EP400: variants seen among roughly 807,000 people sequenced by gnomAD.
The protein encoded by EP400 is E1A-binding protein p400.
EP400 carries 105 observed loss-of-function variants against 354.1 expected under a neutral mutation model. The observed-to-expected ratio is 0.30, with a 90% CI of 0.25 to 0.35. EP400 has a LOEUF of 0.35. Among genes scored for constraint, EP400 ranks in the 10% least tolerant of loss-of-function variants. The pLI is 1.00. For synonymous variants in EP400, 1,646 were observed against 1,716.9 expected, an observed-to-expected ratio of 0.96 and a Z score of 1.02; for missense variants, 3,280 against 4,121.0, an observed-to-expected ratio of 0.80 and a Z score of 5.59.
intron 2 of EP400, among the ~76,000 whole-genome samples, chr12:131,974,476 A>G (rs1372667854): frequency 6.6e-6 from 1 of 152,202 alleles, no homozygotes; most frequent in African/African-American, 2.4e-5. Context: ...GTAGCTGCCA[A>G]CTACTATTGG....
intron 12 of EP400, among the ~76,000 whole-genome samples, chr12:131,996,993 T>C (rs1893236919): frequency 6.6e-6 from 1 of 152,176 alleles, no homozygotes. Context: ...TTTAATGTTG[T>C]CAATAAGTTC....
intron 12 of EP400, among the ~76,000 whole-genome samples, chr12:131,995,886 C>A (rs1203560860): frequency 6.6e-6 from 1 of 151,442 alleles, no homozygotes; most frequent in Non-Finnish European, 1.5e-5. Flanking sequence ...CCCACCACAG[C>A]TTGACTGAAT....
intron 34 of EP400, among the ~76,000 whole-genome samples, 188 bp downstream of exon 34, chr12:132,043,916 G>A (rs765494887): frequency 6.6e-5 from 10 of 152,110 alleles, no homozygotes; most frequent in East Asian, 3.8e-4. Flanking sequence ...TCACCCCCAC[G>A]TAGGGACCAT....
intron 39 of EP400, among the ~76,000 whole-genome samples, chr12:132,049,886 C>G (rs1044695419): frequency 6.6e-6 from 1 of 152,204 alleles, no homozygotes; most frequent in African/African-American, 2.4e-5. Flanking sequence ...CTTTGAGACA[C>G]CACTGGGCAT....
At chr12:131,954,224 T>G (rs1455098054) in intron 1 of EP400, among the ~76,000 whole-genome samples, 2 of 150,238 alleles carry the variant, frequency 1.3e-5, no homozygotes, top group African/African-American at 2.5e-5. Context: ...TGTCTTAAAA[T>G]TAAAAAAAAA....
intron 43 of EP400, 103 bp downstream of exon 43, chr12:132,053,700 T>C: frequency 7.7e-7 from 1 of 1,298,414 alleles, no homozygotes; most frequent in Non-Finnish European, 1.0e-6. Context: ...TTGCCAGTTC[T>C]AGCACATTTC....
rs1891972043 is a variant in EP400, at chr12:131,963,521, T to C, written c.1335+1567T>C. The stretch of plus-strand genomic sequence containing the variant: ...TATGTTGCCTTTTTTTCTCAAAATA[T>C]TTCCTCTCAGGTAAAGGTTGTGACA... On this transcript the variant is annotated intron_variant, in intron 2 of 52. Transcript: ENST00000389561. 3 of 1,584,294 alleles carry C rather than the reference T, an allele frequency of 1.9e-6. No homozygotes were observed. In the African/African-American group the frequency reaches 4.0e-5, roughly 21 times the overall value.
In EP400 at chr12:132,062,450, G is replaced by T; in HGVS notation, c.8099-16G>T. 1 of 1,612,974 alleles carries T rather than the reference G, an allele frequency of 6.2e-7. No individual in the cohort carries two copies. The highest frequency in any genetic ancestry group is 8.5e-7 in the Non-Finnish European group (1 of 1,179,912). ...GAGTATCCCTGTCCAGACCTAATGA[G>T]CAAACCTCTTCATAGCCACAGGAGT... On this transcript the variant is annotated splice_polypyrimidine_tract_variant and intron_variant, in intron 46 of 52. Transcript: ENST00000389561.
chr12:132,006,454 C>T (rs1166870611), intron 14 of EP400, 152 bp downstream of exon 14: 5 of 1,063,622 alleles, frequency 4.7e-6, no homozygotes, highest in Non-Finnish European at 6.6e-6. Context: ...CCTGTAGTCC[C>T]AGCTACTCAG....
At chr12:132,042,536 A>G (rs1283755204) in intron 32 of EP400, among the ~76,000 whole-genome samples, 3 of 152,132 alleles carry the variant, frequency 2.0e-5, no homozygotes, top group Non-Finnish European at 4.4e-5. Context: ...TATGTTTGCT[A>G]TTTAGGTGCA....
At chr12:131,988,347 C>T (rs1593328718) in intron 7 of EP400, among the ~76,000 whole-genome samples, 1 of 152,186 alleles carries the variant, frequency 6.6e-6, no homozygotes, top group Non-Finnish European at 1.5e-5. Context: ...GTGGATTTAG[C>T]TTCATTTTGT....
intron 1 of EP400, among the ~76,000 whole-genome samples, chr12:131,956,862 CTT>C (rs1174225417): frequency 1.6e-5 from 2 of 126,234 alleles, no homozygotes; most frequent in African/African-American, 5.7e-5. Flanking sequence ...TGTGAACTGT[CTT>C]TTTTTGTCCT....
In EP400 at chr12:131,994,950, A is replaced by G. The variant is rs372905617; in HGVS notation, c.2821A>G (p.Lys941Glu). The change falls in exon 12 of 53, where the codon AAG becomes GAG. Residue 941 changes from lysine to glutamate, a missense_variant. Lys to Glu is a moderately conservative substitution (Grantham distance 56). Around this residue, in one of 20 missense-constraint regions of EP400, gnomAD observed 800 missense variants for 840.0 expected, o/e 0.95. Coordinates refer to ENST00000389561, the MANE Select transcript of EP400 (RefSeq NM_015409.5). This position sits in a 1 kb window ranked among gnomAD's most constrained non-coding sequence, Gnocchi z 4.6. ...CCAAACAGAACTTTCTAATTTAGCC[A>G]AGGAAGGTAGGCTGTTGCTACCTTA... ...DHQTELSNLA[K>E]EAELPLLDLM... The G allele has an allele frequency of 1.8e-5, 29 of 1,613,846 alleles. No homozygotes were observed. Among genetic ancestry groups the G allele is most frequent in the East Asian group, 4.5e-5 (2 of 44,896 alleles).
intron 51 of EP400, among the ~76,000 whole-genome samples, chr12:132,074,589 C>T (rs1191248537): frequency 6.6e-6 from 1 of 152,202 alleles, no homozygotes; most frequent in Non-Finnish European, 1.5e-5. Flanking sequence ...TAAGCAGCCA[C>T]TGTTTGTTTA....
intron 47 of EP400, among the ~76,000 whole-genome samples, chr12:132,063,343 TCTC>T (rs1169145476): frequency 2.0e-5 from 3 of 152,096 alleles, no homozygotes; most frequent in Non-Finnish European, 4.4e-5. Context: ...CAAATCCCCG[TCTC>T]TACTAGAAAT....
chr12:131,983,544 G>C (rs78955255), intron 5 of EP400, among the ~76,000 whole-genome samples: 1 of 152,242 alleles, frequency 6.6e-6, no homozygotes, highest in Non-Finnish European at 1.5e-5. Context: ...AGGCCGGGGA[G>C]GACTCTCAGC....
chr12:132,008,551 T>G (rs1370477285), intron 15 of EP400, among the ~76,000 whole-genome samples: 1 of 152,160 alleles, frequency 6.6e-6, no homozygotes, highest in Non-Finnish European at 1.5e-5. Flanking sequence ...GTGTTCACTG[T>G]TACAATAGTA....
At chr12:132,019,231 A>G (rs1894041922) in intron 21 of EP400, among the ~76,000 whole-genome samples, 1 of 152,210 alleles carries the variant, frequency 6.6e-6, no homozygotes, top group Non-Finnish European at 1.5e-5. Context: ...TAATAGAGAC[A>G]GAGGTCTCCC....
chr12:131,983,918 T>C (rs1191512666), intron 5 of EP400, among the ~76,000 whole-genome samples: 1 of 152,046 alleles, frequency 6.6e-6, no homozygotes, highest in East Asian at 1.9e-4. Flanking sequence ...TTTTTTTTTT[T>C]TAGACGGAGT....
Sources: gnomAD v4.1 joint callset for allele counts (sites outside exome capture counted in the v4.1 genomes callset) on GRCh38, gnomAD v4.1.1 for gene constraint, gnomAD v4.1.1 regional missense constraint, Gnocchi (gnomAD v3.1) non-coding constraint, MANE v1.5 for transcripts, NCBI Gene and HGNC (gene_info 2026-07-23, HGNC 2026-07-21) for gene names.